Variants in CAMK2D observed in about 807,000 individuals in gnomAD.
CAMK2D encodes calcium/calmodulin-dependent protein kinase type II subunit delta.
In CAMK2D, 37 loss-of-function variants were observed where a neutral mutation model predicts 84.0. The ratio of observed to expected loss-of-function variants is 0.44; its 90% CI spans 0.34 to 0.58. The LOEUF (loss-of-function observed/expected upper bound fraction) is 0.58, where lower values mean the gene tolerates loss of function less well. CAMK2D is among the 20% of genes least tolerant of loss of function. CAMK2D has a pLI of 0.02. For missense variants in CAMK2D, 448 were observed against 652.5 expected, an observed-to-expected ratio of 0.69 and a Z score of 3.41; for synonymous variants, 202 against 212.5, an observed-to-expected ratio of 0.95 and a Z score of 0.43.
Position 113,454,226 on chromosome 4 carries a change from G to C in CAMK2D, c.*319C>G, listed in dbSNP as rs1407549808. The C allele has an allele frequency of 1.5e-5, 4 of 270,118 alleles. No individual in the cohort carries two copies. The East Asian group carries it at 2.4e-4, about 16-fold the overall frequency. 16.7% of individuals were successfully genotyped at this position (270,118 alleles called of 1,614,324 possible). A position where few individuals can be genotyped will look rare whatever the true frequency, so the allele number is the denominator to read the frequency against. On this transcript the variant is annotated 3_prime_UTR_variant, in exon 21 of 21. Coordinates refer to ENST00000511664, the MANE Select transcript of CAMK2D (RefSeq NM_001321571.2). ...AATCTTGGCATTAACAGAGAAACTT[G>C]ATGAAGAGTTGTACTTGGAATATTG...
intron 16 of CAMK2D, among the ~76,000 whole-genome samples, chr4:113,478,223 C>A (rs1451894865): frequency 6.6e-6 from 1 of 152,248 alleles, no homozygotes; most frequent in South Asian, 2.1e-4. Flanking sequence ...ATTACAACCA[C>A]ACAGCACTTA....
chr4:113,600,932 T>C (rs2098949377), intron 4 of CAMK2D, among the ~76,000 whole-genome samples: 1 of 152,200 alleles, frequency 6.6e-6, no homozygotes, highest in South Asian at 2.1e-4. Context: ...ACAGAATTAA[T>C]GTGATGGTAT....
intron 3 of CAMK2D, among the ~76,000 whole-genome samples, chr4:113,618,307 T>A (rs911860312): frequency 5.3e-5 from 8 of 152,188 alleles, no homozygotes; most frequent in African/African-American, 1.9e-4. Flanking sequence ...ACCAAAAATA[T>A]GCTCTTCAAA....
At chr4:113,582,624 C>T (rs2098815829) in intron 4 of CAMK2D, among the ~76,000 whole-genome samples, 1 of 152,138 alleles carries the variant, frequency 6.6e-6, no homozygotes, top group Admixed American at 6.5e-5. Flanking sequence ...TAAGAGGTAA[C>T]AGAAACATTA....
rs1263168992 is a variant in CAMK2D, at chr4:113,503,051, C to G, written c.1045-74G>C. The G allele has an allele frequency of 9.9e-6, 10 of 1,006,960 alleles. No homozygotes were observed. The East Asian group carries it at 2.4e-4, about 24-fold the overall frequency. 62.4% of individuals were successfully genotyped at this position (1,006,960 alleles called of 1,614,324 possible). A position where few individuals can be genotyped will look rare whatever the true frequency, so the allele number is the denominator to read the frequency against. On this transcript the variant is annotated intron_variant, in intron 14 of 20. Transcript: ENST00000511664. ...ATTCTTTCTAGTGTGAAGGACAGAG[C>G]AGAGTGAGCCAGCTGACAAAATGAA...
chr4:113,755,173 TACACACACACACACACAC>T (rs59818897), intron 2 of CAMK2D: 3 of 163,814 alleles, frequency 1.8e-5, no homozygotes, highest in African/African-American at 5.3e-5. Context: ...TACTTAGGGA[TACACACACACACACACAC>T]ACACACACAC....
intron 2 of CAMK2D, among the ~76,000 whole-genome samples, chr4:113,678,590 T>A (rs72895920): frequency 0.071 from 10,782 of 152,140 alleles, 483 homozygotes; most frequent in African/African-American, 0.13. Flanking sequence ...ATCACCTCAA[T>A]CATTTGTCAT....
intron 2 of CAMK2D, among the ~76,000 whole-genome samples, chr4:113,713,797 C>G (rs944170904): frequency 6.6e-6 from 1 of 151,538 alleles, no homozygotes; most frequent in African/African-American, 2.4e-5. Flanking sequence ...GGTACCTATC[C>G]TTCACATGTG....
intron 4 of CAMK2D, among the ~76,000 whole-genome samples, chr4:113,562,648 T>G (rs565550811): frequency 9.7e-4 from 148 of 152,340 alleles, no homozygotes; most frequent in Admixed American, 2.0e-3. Flanking sequence ...AGCCTTACAT[T>G]GCTTCCATTT....
At chr4:113,709,773 A>ATGTG in intron 2 of CAMK2D, among the ~76,000 whole-genome samples, 3 of 121,202 alleles carry the variant, frequency 2.5e-5, no homozygotes, top group African/African-American at 1.0e-4. Context: ...ATATATATAT[A>ATGTG]TATATATATG....
Position 113,509,622 on chromosome 4 carries a change from C to T in CAMK2D, c.984+16G>A, listed in dbSNP as rs1417049737. 6 of 1,538,056 alleles carry T rather than the reference C, an allele frequency of 3.9e-6. No homozygotes were observed. The highest frequency in any genetic ancestry group is 5.4e-6 in the Non-Finnish European group (6 of 1,110,872). On this transcript the variant is annotated intron_variant, in intron 13 of 20. Transcript: ENST00000511664. ...CTGAAAGTCAGAAATGGATTAGGGG[C>T]ATCTGTTTAACTTACCTTTACTCCA...
In CAMK2D at chr4:113,513,781, T is replaced by C. The variant is rs753000770; in HGVS notation, c.903+49A>G. 7.1e-6 allele frequency: 6 copies of C among 841,638 alleles called. No homozygotes were observed. The South Asian group carries it at 8.8e-5, about 12-fold the overall frequency. 52.1% of individuals were successfully genotyped at this position (841,638 alleles called of 1,614,324 possible). Reference sequence around the variant, plus strand: ...TTATTTTCCTCACACAGTATTTCACTTCTTAGTCTGTCAAATCTACCTCCC... The same window carrying C: ...TTATTTTCCTCACACAGTATTTCACCTCTTAGTCTGTCAAATCTACCTCCC... On this transcript the variant is annotated intron_variant, in intron 11 of 20. Transcript: ENST00000511664.
chr4:113,574,439 C>A (rs1195167518), intron 4 of CAMK2D, among the ~76,000 whole-genome samples: 1 of 152,142 alleles, frequency 6.6e-6, no homozygotes, highest in African/African-American at 2.4e-5. Context: ...TTGAAATAAT[C>A]TATTTTAGCA....
At chr4:113,698,351 T>C (rs1245245508) in intron 2 of CAMK2D, among the ~76,000 whole-genome samples, 1 of 152,038 alleles carries the variant, frequency 6.6e-6, no homozygotes, top group Non-Finnish European at 1.5e-5. Flanking sequence ...ATACATTGAC[T>C]TGGACATGTA....
intron 8 of CAMK2D, among the ~76,000 whole-genome samples, chr4:113,526,086 C>T (rs1026058096): frequency 1.3e-5 from 2 of 152,074 alleles, no homozygotes; most frequent in African/African-American, 4.8e-5. Flanking sequence ...ACAACAATGA[C>T]CAAGATATGT....
chr4:113,700,728 A>G (rs1391004462), intron 2 of CAMK2D, among the ~76,000 whole-genome samples: 1 of 152,128 alleles, frequency 6.6e-6, no homozygotes, highest in Non-Finnish European at 1.5e-5. Context: ...TCTGCAGAAA[A>G]GGAAAAGAAA....
chr4:113,599,026 G>C (rs1561255527), intron 4 of CAMK2D, among the ~76,000 whole-genome samples: 2 of 152,120 alleles, frequency 1.3e-5, no homozygotes, highest in Admixed American at 6.6e-5. Flanking sequence ...CCTCACCATA[G>C]AAGAATGCAG....
At chr4:113,713,728 T>C (rs2099502273) in intron 2 of CAMK2D, among the ~76,000 whole-genome samples, 1 of 151,602 alleles carries the variant, frequency 6.6e-6, no homozygotes, top group East Asian at 1.9e-4. Flanking sequence ...TCATTTTTTC[T>C]ATAAGGACTT....
At chr4:113,529,223 A>G (rs912818157) in intron 8 of CAMK2D, among the ~76,000 whole-genome samples, 1 of 152,190 alleles carries the variant, frequency 6.6e-6, no homozygotes. Flanking sequence ...CTTCCCAGGC[A>G]TGGAGGTAAC....
Sources: allele counts gnomAD v4.1 joint callset (sites outside exome capture counted in the v4.1 genomes callset), GRCh38; gene constraint gnomAD v4.1.1; transcripts MANE v1.5; gene names NCBI Gene and HGNC (gene_info 2026-07-23, HGNC 2026-07-21).